Variants in RNF150 observed in about 807,000 individuals in gnomAD.
RNF150 encodes the protein ring finger protein 150.
RNF150 carries 24 observed loss-of-function variants against 39.3 expected under a neutral mutation model. That is an observed-to-expected ratio of 0.61 (90% CI 0.44 to 0.86). The LOEUF is 0.86. RNF150 is among the 40% of genes least tolerant of loss of function. The pLI is 0.00. For missense variants in RNF150, 502 were observed against 587.8 expected, an observed-to-expected ratio of 0.85 and a Z score of 1.51; for synonymous variants, 255 against 227.3, an observed-to-expected ratio of 1.12 and a Z score of -1.10.
At position 140,859,901 on chromosome 4, in the gene RNF150, C is replaced by T. The variant is rs909422762; in HGVS notation, c.*8360G>A. 5.9e-5 allele frequency: 9 copies of T among 152,014 alleles called. No homozygotes were observed. Among genetic ancestry groups the T allele is most frequent in the African/African-American group, 2.2e-4 (9 of 41,388 alleles). The allele number at this position is 152,014 out of a possible 1,614,324, so 9.4% of individuals were successfully genotyped here. A position where few individuals can be genotyped will look rare whatever the true frequency, so the allele number is the denominator to read the frequency against. On this transcript the variant is annotated 3_prime_UTR_variant, in exon 7 of 7. Coordinates refer to ENST00000515673, the MANE Select transcript of RNF150 (RefSeq NM_020724.2). ...CCTCATTTAAAAATCCTTATAGTTG[C>T]AATATTTTTTTTTTAGCCAGTACGT...
intron 1 of RNF150, among the ~76,000 whole-genome samples, chr4:141,152,654 G>T (rs751532307): frequency 2.0e-5 from 3 of 151,676 alleles, no homozygotes; most frequent in Non-Finnish European, 2.9e-5. Flanking sequence ...CCATTATAAG[G>T]GCTCACTCCT....
At chr4:141,073,563 T>A (rs1737783917) in intron 1 of RNF150, among the ~76,000 whole-genome samples, 1 of 152,030 alleles carries the variant, frequency 6.6e-6, no homozygotes, top group South Asian at 2.1e-4. Flanking sequence ...CATTCGCTAT[T>A]ACTTACTACT....
chr4:140,994,020 C>CACCAACAT (rs1734279987), intron 1 of RNF150, among the ~76,000 whole-genome samples: 1 of 152,148 alleles, frequency 6.6e-6, no homozygotes, highest in Admixed American at 6.5e-5. Flanking sequence ...AAATAGCCTC[C>CACCAACAT]ACCAACATCT....
rs1317277984 is a variant in RNF150, at chr4:140,862,117, T to C, written c.*6144A>G. The C allele has an allele frequency of 6.6e-6, 1 of 152,178 alleles. No homozygotes were observed. The highest frequency in any genetic ancestry group is 2.4e-5 in the African/African-American group (1 of 41,438). The allele number at this position is 152,178 out of a possible 1,614,324, so 9.4% of individuals were successfully genotyped here. On this transcript the variant is annotated 3_prime_UTR_variant, in exon 7 of 7. Coordinates refer to ENST00000515673, the MANE Select transcript of RNF150 (RefSeq NM_020724.2). ...ACATTACCCTGCTTCTCCAAGCCTGTCACTTCACTAAGGATAACAGACCAC... is the reference window on the plus strand; with the variant it reads ...ACATTACCCTGCTTCTCCAAGCCTGCCACTTCACTAAGGATAACAGACCAC...
At chr4:141,000,068 GAAGA>G (rs1560679473) in intron 1 of RNF150, among the ~76,000 whole-genome samples, 4 of 95,220 alleles carry the variant, frequency 4.2e-5, no homozygotes, top group African/African-American at 1.6e-4. Flanking sequence ...AGAAGAAGAA[GAAGA>G]AGAAGAAGAA....
intron 1 of RNF150, among the ~76,000 whole-genome samples, chr4:141,030,247 T>C (rs1735884787): frequency 6.7e-6 from 1 of 148,958 alleles, no homozygotes; most frequent in Admixed American, 6.7e-5. Flanking sequence ...ACCAAAACTA[T>C]GAGATATCAC....
intron 1 of RNF150, among the ~76,000 whole-genome samples, chr4:141,038,961 C>T (rs1055997660): frequency 2.0e-5 from 3 of 151,898 alleles, no homozygotes; most frequent in African/African-American, 7.3e-5. Flanking sequence ...GGGTGGTAGC[C>T]CGAAGGTCTA....
intron 6 of RNF150, among the ~76,000 whole-genome samples, chr4:140,874,208 C>G (rs1331098223): frequency 6.6e-6 from 1 of 152,166 alleles, no homozygotes; most frequent in Non-Finnish European, 1.5e-5. Context: ...CTTTGTGACA[C>G]AGGCATTGCA....
intron 1 of RNF150, among the ~76,000 whole-genome samples, chr4:141,012,563 G>C (rs1216305843): frequency 6.6e-6 from 1 of 151,832 alleles, no homozygotes; most frequent in African/African-American, 2.4e-5. Context: ...AAGGGATTTT[G>C]GTGCACTTTG....
chr4:141,124,604 G>A (rs1397052068), intron 1 of RNF150, among the ~76,000 whole-genome samples: 2 of 152,202 alleles, frequency 1.3e-5, no homozygotes, highest in Non-Finnish European at 2.9e-5. Context: ...AATATTTGCT[G>A]TAGATAGTGG....
chr4:141,195,433 T>G (rs1728186180), intron 1 of RNF150, among the ~76,000 whole-genome samples: 1 of 152,238 alleles, frequency 6.6e-6, no homozygotes, highest in Non-Finnish European at 1.5e-5. Context: ...TCTTTTCTTT[T>G]TCAATGCCCC....
At chr4:140,999,067 A>T (rs1252688702) in intron 1 of RNF150, among the ~76,000 whole-genome samples, 1 of 152,100 alleles carries the variant, frequency 6.6e-6, no homozygotes, top group Admixed American at 6.6e-5. Context: ...GAGATTCTCA[A>T]AGTAGGGAAG....
chr4:141,002,837 A>G (rs1343468827), intron 1 of RNF150, among the ~76,000 whole-genome samples: 3 of 148,246 alleles, frequency 2.0e-5, no homozygotes, highest in Non-Finnish European at 4.5e-5. Flanking sequence ...TTGTTTTCCC[A>G]ATAATGAAGT....
intron 1 of RNF150, among the ~76,000 whole-genome samples, chr4:141,003,648 A>T (rs1259420998): frequency 2.0e-5 from 3 of 151,718 alleles, no homozygotes. Flanking sequence ...CTGAAATCCA[A>T]GGGAAGGGGA....
intron 1 of RNF150, among the ~76,000 whole-genome samples, chr4:141,207,949 C>T (rs1439421715): frequency 6.7e-6 from 1 of 148,446 alleles, no homozygotes; most frequent in African/African-American, 2.5e-5. Context: ...ATACTAGGCA[C>T]TTTATAAACA....
intron 1 of RNF150, among the ~76,000 whole-genome samples, chr4:140,977,489 T>G (rs986462666): frequency 1.3e-5 from 2 of 152,160 alleles, no homozygotes; most frequent in African/African-American, 4.8e-5. Context: ...AATAACCTGA[T>G]GACATGATTT....
At chr4:141,171,369 C>A (rs754971221) in intron 1 of RNF150, among the ~76,000 whole-genome samples, 11 of 151,968 alleles carry the variant, frequency 7.2e-5, no homozygotes, top group Non-Finnish European at 1.2e-4. Context: ...ATAGGGGATT[C>A]TCTTTATTTG....
At chr4:140,884,760 C>A (rs1729500979) in intron 6 of RNF150, among the ~76,000 whole-genome samples, 1 of 152,074 alleles carries the variant, frequency 6.6e-6, no homozygotes. Flanking sequence ...GAAGCCAGTC[C>A]CTTAGGTAAC....
intron 1 of RNF150, among the ~76,000 whole-genome samples, chr4:141,046,258 C>T (rs529817003): frequency 6.6e-6 from 1 of 152,298 alleles, no homozygotes; most frequent in South Asian, 2.1e-4. Flanking sequence ...GAATACACTT[C>T]TACAAAGCTT....
Sources: allele counts gnomAD v4.1 joint callset (sites outside exome capture counted in the v4.1 genomes callset), GRCh38; gene constraint gnomAD v4.1.1; transcripts MANE v1.5; gene names NCBI Gene and HGNC (gene_info 2026-07-23, HGNC 2026-07-21).